Variants in WRN observed in about 807,000 individuals in gnomAD.
WRN encodes WRN RecQ like helicase.
Under a neutral mutation model 180.7 loss-of-function variants are expected in WRN, and 149 were observed. The observed-to-expected ratio is 0.82, with a 90% CI of 0.72 to 0.94. WRN has a LOEUF of 0.94. Among genes scored for constraint, WRN ranks in the 40% least tolerant of loss-of-function variants. WRN has a pLI of 0.00. For missense variants in WRN, 1,661 were observed against 1,700.1 expected, an observed-to-expected ratio of 0.98 and a Z score of 0.40; for synonymous variants, 548 against 568.9, an observed-to-expected ratio of 0.96 and a Z score of 0.52.
At chr8:31,110,102 G>A (rs1468936458) in intron 18 of WRN, among the ~76,000 whole-genome samples, 4 of 77,354 alleles carry the variant, frequency 5.2e-5, no homozygotes, top group East Asian at 3.9e-4. Flanking sequence ...ACACTTAACC[G>A]GTGAAAGTGC....
Position 31,064,270 on chromosome 8 carries a change from A to G in WRN, c.210-19A>G, listed in dbSNP as rs749107393. 16 of 1,613,602 alleles carry G rather than the reference A, an allele frequency of 9.9e-6. No individual in the cohort carries two copies. Among genetic ancestry groups the G allele is most frequent in the Non-Finnish European group, 1.4e-5 (16 of 1,179,788 alleles). On this transcript the variant is annotated intron_variant, in intron 3 of 34. Coordinates refer to ENST00000298139, the MANE Select transcript of WRN (RefSeq NM_000553.6). ...AAAATTTTAACATAAATTAATTTAC[A>G]CTATTTTTCTCACTTTAGCATGAGT... is the stretch of plus-strand genomic sequence containing the variant.
chr8:31,097,639 C>G (rs1419316422), intron 17 of WRN, among the ~76,000 whole-genome samples: 1 of 151,972 alleles, frequency 6.6e-6, no homozygotes, highest in Non-Finnish European at 1.5e-5. Context: ...ATTGGCCGAG[C>G]CTGGTGGTGC....
intron 23 of WRN, among the ~76,000 whole-genome samples, chr8:31,131,059 T>TA (rs1802144885): frequency 6.6e-6 from 1 of 151,516 alleles, no homozygotes. Flanking sequence ...CTTGTGGACA[T>TA]ACACCAGTTA....
intron 34 of WRN, among the ~76,000 whole-genome samples, chr8:31,168,629 T>C (rs1357592207): frequency 1.5e-5 from 2 of 132,298 alleles, no homozygotes; most frequent in East Asian, 3.1e-4. Flanking sequence ...GGCTGGGAAG[T>C]AGATAAGAGG....
intron 23 of WRN, among the ~76,000 whole-genome samples, chr8:31,126,556 C>G (rs1801939529): frequency 6.6e-6 from 1 of 152,044 alleles, no homozygotes; most frequent in Non-Finnish European, 1.5e-5. Flanking sequence ...AAATCAGTAC[C>G]TAAGCTTACA....
chr8:31,092,106 A>G (rs1323112769), intron 16 of WRN, among the ~76,000 whole-genome samples: 1 of 152,140 alleles, frequency 6.6e-6, no homozygotes, highest in Non-Finnish European at 1.5e-5. Context: ...CCATGATTTT[A>G]AAATGCACTT....
chr8:31,155,819 C>T lies in WRN; in HGVS notation c.3819+1064C>T, dbSNP rs535545166. ...TTGATTTGGAACAAGTGATATGGTC[C>T]AATGCCTGCTTTTCTATTGTCTGTG... On this transcript the variant is annotated intron_variant, in intron 32 of 34. Transcript: ENST00000298139. Among the ~76,000 whole-genome samples the T allele has an allele frequency of 2.0e-5, 3 of 152,204 alleles. No homozygotes were observed. In the South Asian group the frequency reaches 6.2e-4, roughly 32 times the overall value.
intron 1 of WRN, among the ~76,000 whole-genome samples, chr8:31,050,587 C>G (rs189417532): frequency 6.6e-6 from 1 of 150,530 alleles, no homozygotes; most frequent in African/African-American, 2.4e-5. Context: ...TCTTTCCACT[C>G]TACTTCCTGC....
intron 1 of WRN, among the ~76,000 whole-genome samples, chr8:31,048,672 T>G (rs1811964831): frequency 6.6e-6 from 1 of 152,192 alleles, no homozygotes; most frequent in African/African-American, 2.4e-5. Flanking sequence ...TTATTGCGCT[T>G]TCTGTTAAAA....
At chr8:31,081,371 T>G in intron 9 of WRN, 75 bp downstream of exon 9, 2 of 1,498,384 alleles carry the variant, frequency 1.3e-6, no homozygotes, top group Middle Eastern at 1.9e-4. Context: ...AAGAGACAGA[T>G]AGTAAATATT....
At chr8:31,045,624 A>T (rs369129584) in intron 1 of WRN, among the ~76,000 whole-genome samples, 23 of 151,944 alleles carry the variant, frequency 1.5e-4, no homozygotes, top group African/African-American at 4.8e-4. Flanking sequence ...CTGGTCTCGA[A>T]CTCCTGACCT....
chr8:31,042,063 A>G (rs1811680711), intron 1 of WRN, among the ~76,000 whole-genome samples: 1 of 152,208 alleles, frequency 6.6e-6, no homozygotes, highest in South Asian at 2.1e-4. Context: ...AGGGCCCTTA[A>G]AAGCCCCAGT....
chr8:31,147,123 A>T lies in WRN; in HGVS notation c.3454A>T (p.Thr1152Ser), dbSNP rs1309001891. 1 of 1,613,662 alleles carries T rather than the reference A, an allele frequency of 6.2e-7. No individual in the cohort carries two copies. Among genetic ancestry groups the T allele is most frequent in the Non-Finnish European group, 8.5e-7 (1 of 1,179,796 alleles). The change falls in exon 29 of 35, where the codon ACT becomes TCT. Residue 1152 changes from threonine (T) to serine (S), a missense_variant. Coordinates refer to ENST00000298139, the MANE Select transcript of WRN (RefSeq NM_000553.6). ...QPVISAQEQE[T>S]QIVLYGKLVE... ...TGTTATTTCGGCACAAGAGCAGGAGACTCAGGTAAGGCTTTTGTAAAAAGG... is the reference window on the plus strand; with the variant it reads ...TGTTATTTCGGCACAAGAGCAGGAGTCTCAGGTAAGGCTTTTGTAAAAAGG...
intron 1 of WRN, among the ~76,000 whole-genome samples, chr8:31,049,571 A>T (rs942707826): frequency 2.0e-5 from 3 of 151,640 alleles, no homozygotes; most frequent in South Asian, 2.1e-4. Context: ...GTGAGGTCCA[A>T]TGGGTCAGAA....
At chr8:31,131,213 T>TGGCC (rs1235500440) in intron 23 of WRN, among the ~76,000 whole-genome samples, 3 of 132,672 alleles carry the variant, frequency 2.3e-5, no homozygotes, top group African/African-American at 8.4e-5. Context: ...AGTGTAGTGG[T>TGGCC]GGCCCAATCT....
At position 31,087,796 on chromosome 8, in the gene WRN, T is replaced by C. The variant is rs1813590350; in HGVS notation, c.1452T>C (p.Ser484=). ...TTCAGTCTTTAGAAAACCTCAATAG[T>C]GGCACGGTAGAACCAACTCATTCTA... ...EMLKSLENLN[S]GTVEPTHSKC... The change falls in exon 12 of 35, where the codon AGT becomes AGC. Residue 484 remains serine (S), a synonymous_variant. Transcript: ENST00000298139. 6.2e-7 allele frequency: 1 copy of C among 1,613,502 alleles called. No individual in the cohort carries two copies. The highest frequency in any genetic ancestry group is 1.3e-5 in the African/African-American group (1 of 74,888).
At chr8:31,073,843 C>T (rs532858750) in intron 7 of WRN, among the ~76,000 whole-genome samples, 20 of 151,958 alleles carry the variant, frequency 1.3e-4, no homozygotes, top group African/African-American at 4.6e-4. Flanking sequence ...TTAAATCATT[C>T]GGGGAGGTTG....
chr8:31,106,588 C>A (rs143753796), intron 18 of WRN, among the ~76,000 whole-genome samples: 3 of 152,204 alleles, frequency 2.0e-5, no homozygotes, highest in Non-Finnish European at 2.9e-5. Context: ...AATACGTTTC[C>A]CCCACATTGT....
chr8:31,062,953 C>T (rs1267585615), intron 3 of WRN, among the ~76,000 whole-genome samples: 1 of 152,078 alleles, frequency 6.6e-6, no homozygotes, highest in Non-Finnish European at 1.5e-5. Context: ...GCCTCAGCCT[C>T]TCAAGTAGCT....
Sources: allele counts gnomAD v4.1 joint callset (sites outside exome capture counted in the v4.1 genomes callset), GRCh38; gene constraint gnomAD v4.1.1; transcripts MANE v1.5; gene names NCBI Gene and HGNC (gene_info 2026-07-23, HGNC 2026-07-21).